ZPBP: variants seen among roughly 807,000 people sequenced by gnomAD.
ZPBP encodes zona pellucida-binding protein 1.
Under a neutral mutation model 44.8 loss-of-function variants are expected in ZPBP, and 26 were observed. The ratio of observed to expected loss-of-function variants is 0.58; its 90% CI spans 0.43 to 0.81. The LOEUF (loss-of-function observed/expected upper bound fraction) is 0.81, where lower values mean the gene tolerates loss of function less well. ZPBP is among the 30% of genes least tolerant of loss of function. The pLI, the probability that ZPBP is intolerant of heterozygous loss-of-function variation, is 0.00. For missense variants in ZPBP, 409 were observed against 434.0 expected, an observed-to-expected ratio of 0.94 and a Z score of 0.51; for synonymous variants, 174 against 153.2, an observed-to-expected ratio of 1.14 and a Z score of -1.00.
chr7:50,044,702 C>A (rs928878941), intron 4 of ZPBP, among the ~76,000 whole-genome samples: 4 of 152,102 alleles, frequency 2.6e-5, no homozygotes, highest in Non-Finnish European at 5.9e-5. Context: ...AGCCCAGGAC[C>A]AGACAGATTC....
chr7:49,923,846 G>A (rs993914516), intron 1 of ZPBP, among the ~76,000 whole-genome samples: 1 of 152,016 alleles, frequency 6.6e-6, no homozygotes, highest in Non-Finnish European at 1.5e-5. Context: ...GTTATAGGCC[G>A]GGCATGTTGG....
intron 6 of ZPBP, among the ~76,000 whole-genome samples, chr7:49,993,179 GA>G (rs1346930664): frequency 3.9e-5 from 6 of 151,986 alleles, no homozygotes; most frequent in Non-Finnish European, 8.8e-5. Context: ...ATTAAAAGAG[GA>G]AAATCTGAAG....
chr7:49,845,967 T>C (rs969631694), downstream of ZPBP, among the ~76,000 whole-genome samples: 1 of 152,240 alleles, frequency 6.6e-6, no homozygotes, highest in African/African-American at 2.4e-5. Flanking sequence ...GGATATTTTG[T>C]TCTAAATGCT....
intron 7 of ZPBP, among the ~76,000 whole-genome samples, chr7:49,939,434 A>G (rs1254696057): frequency 6.6e-6 from 1 of 152,174 alleles, no homozygotes; most frequent in Non-Finnish European, 1.5e-5. Flanking sequence ...CCTAGTATAC[A>G]TACTAAAATA....
At position 50,060,591 on chromosome 7, in the gene ZPBP, C is replaced by T. The variant is rs141783877; in HGVS notation, c.335-2450G>A. ...ATGGATACATTCCGAGAAACATACA[C>T]CCTCTCCCATGATTGAACCAGGAAG... On this transcript the variant is annotated intron_variant, in intron 3 of 7. Coordinates refer to ENST00000046087, the MANE Select transcript of ZPBP (RefSeq NM_007009.3). 2.3e-4 allele frequency among the ~76,000 whole-genome samples: 35 copies of T among 152,244 alleles called. 1 individual carries two copies. Among genetic ancestry groups the T allele is most frequent in the Middle Eastern group, 3.4e-3 (1 of 294 alleles).
chr7:49,897,767 AATT>A (rs1329404614), intron 2 of ZPBP, among the ~76,000 whole-genome samples: 2 of 152,178 alleles, frequency 1.3e-5, no homozygotes, highest in Admixed American at 1.3e-4. Flanking sequence ...GTAACTGATG[AATT>A]GCTGGAAGTT....
intron 2 of ZPBP, among the ~76,000 whole-genome samples, chr7:49,894,895 C>T (rs918776454): frequency 2.0e-5 from 3 of 152,298 alleles, no homozygotes; most frequent in Non-Finnish European, 2.9e-5. Flanking sequence ...CAGTAGGCGC[C>T]GAACACAGCC....
At chr7:50,047,862 G>C (rs1002391503) in intron 4 of ZPBP, among the ~76,000 whole-genome samples, 1 of 152,102 alleles carries the variant, frequency 6.6e-6, no homozygotes, top group Non-Finnish European at 1.5e-5. Flanking sequence ...TTGGAACAGA[G>C]GCCCAGTGGG....
chr7:49,998,421 C>T (rs1797953073), intron 6 of ZPBP, among the ~76,000 whole-genome samples: 1 of 152,138 alleles, frequency 6.6e-6, no homozygotes, highest in Non-Finnish European at 1.5e-5. Context: ...TCTGAGCTAA[C>T]CCTTTCCTTT....
chr7:49,891,038 A>G (rs623107), intron 2 of ZPBP, among the ~76,000 whole-genome samples: 117,131 of 152,176 alleles, frequency 0.77, 45,290 homozygotes, highest in East Asian at 0.89. Context: ...TCATTACTAT[A>G]TTGAATAAAA....
intron 2 of ZPBP, among the ~76,000 whole-genome samples, chr7:49,876,224 T>C (rs777520425): frequency 6.6e-6 from 1 of 152,204 alleles, no homozygotes; most frequent in Non-Finnish European, 1.5e-5. Flanking sequence ...GATAGTAAGA[T>C]ACCGAAATGT....
chr7:50,042,068 A>G (rs914152671), intron 4 of ZPBP, among the ~76,000 whole-genome samples: 2 of 152,188 alleles, frequency 1.3e-5, no homozygotes, highest in African/African-American at 2.4e-5. Context: ...CAAAGAAAGG[A>G]TATCAGAGAT....
chr7:49,925,603 T>C (rs1282893065), intron 1 of ZPBP, among the ~76,000 whole-genome samples: 1 of 152,226 alleles, frequency 6.6e-6, no homozygotes, highest in Non-Finnish European at 1.5e-5. Context: ...CAGAGCCTCT[T>C]TTAAGGTACA....
chr7:50,063,924 G>A (rs1301732680), intron 3 of ZPBP, among the ~76,000 whole-genome samples: 2 of 152,150 alleles, frequency 1.3e-5, no homozygotes, highest in African/African-American at 4.8e-5. Context: ...ATAGATTGGG[G>A]TGTGGTACCC....
chr7:49,925,149 A>C (rs926331516), intron 1 of ZPBP, among the ~76,000 whole-genome samples: 5 of 152,148 alleles, frequency 3.3e-5, no homozygotes, highest in African/African-American at 1.2e-4. Context: ...AAGTGGTCTA[A>C]GTACTGGTCA....
At chr7:49,894,902 A>G (rs1056986479) in intron 2 of ZPBP, among the ~76,000 whole-genome samples, 1 of 152,250 alleles carries the variant, frequency 6.6e-6, no homozygotes, top group Non-Finnish European at 1.5e-5. Context: ...CGCCGAACAC[A>G]GCCTCTGCAT....
chr7:49,906,580 C>G (rs531856788), intron 1 of ZPBP, among the ~76,000 whole-genome samples: 160 of 152,310 alleles, frequency 1.1e-3, no homozygotes, highest in African/African-American at 3.8e-3. Flanking sequence ...TCGTGATCCA[C>G]CCACCTTGGC....
At chr7:50,089,524 A>C in intron 2 of ZPBP, 105 bp downstream of exon 2, 1 of 854,184 alleles carries the variant, frequency 1.2e-6, no homozygotes, top group South Asian at 1.6e-5. Context: ...AAAGGGCCTT[A>C]GGAGACTAGG....
intron 7 of ZPBP, among the ~76,000 whole-genome samples, chr7:49,982,767 T>G (rs938694728): frequency 6.6e-6 from 1 of 151,940 alleles, no homozygotes; most frequent in Non-Finnish European, 1.5e-5. Context: ...CCCATTAATC[T>G]CTCAATAATA....
Sources: gnomAD v4.1 joint callset for allele counts (sites outside exome capture counted in the v4.1 genomes callset) on GRCh38, gnomAD v4.1.1 for gene constraint, MANE v1.5 for transcripts, NCBI Gene and HGNC (gene_info 2026-07-23, HGNC 2026-07-21) for gene names.